BMP7: variants seen among roughly 807,000 people sequenced by gnomAD.
BMP7 encodes osteogenic protein 1.
A neutral mutation model predicts 41.2 loss-of-function variants in BMP7; 12 were observed. The observed-to-expected ratio is 0.29, with a 90% CI of 0.19 to 0.47. The LOEUF (loss-of-function observed/expected upper bound fraction) is 0.47. BMP7 is among the 20% of genes least tolerant of loss of function. The pLI is 0.99. For missense variants in BMP7, 467 were observed against 606.0 expected (o/e 0.77, Z 2.41); for synonymous variants, 248 against 250.0 (o/e 0.99, Z 0.07).
At chr20:57,231,652 C>G (rs1367382626) in intron 1 of BMP7, among the ~76,000 whole-genome samples, 1 of 152,232 alleles carries the variant, frequency 6.6e-6, no homozygotes, top group Non-Finnish European at 1.5e-5. Flanking sequence ...CTCCAAAGAC[C>G]AGGAAGAGCC....
At chr20:57,191,322 TG>T (rs1984352586) in intron 3 of BMP7, among the ~76,000 whole-genome samples, 1 of 152,002 alleles carries the variant, frequency 6.6e-6, no homozygotes, top group East Asian at 1.9e-4. Context: ...CAGGCTCTGG[TG>T]GGGCCAACAG....
At chr20:57,222,780 A>C (rs1288089104) in intron 2 of BMP7, among the ~76,000 whole-genome samples, 1 of 151,910 alleles carries the variant, frequency 6.6e-6, no homozygotes, top group Non-Finnish European at 1.5e-5. Flanking sequence ...CAAGGGGTAG[A>C]AGCCAGGAGA....
intron 4 of BMP7, among the ~76,000 whole-genome samples, chr20:57,180,512 C>T (rs1984055839): frequency 6.6e-6 from 1 of 152,192 alleles, no homozygotes; most frequent in Non-Finnish European, 1.5e-5. Context: ...CTAGGCACCA[C>T]CCTGACTCTG....
intron 3 of BMP7, among the ~76,000 whole-genome samples, chr20:57,193,870 C>T (rs1984432052): frequency 1.3e-5 from 2 of 152,198 alleles, no homozygotes; most frequent in South Asian, 4.1e-4. Flanking sequence ...CTGAAGAGGC[C>T]AGGAAAGCTG....
At chr20:57,256,045 G>C (rs1170179781) in intron 1 of BMP7, among the ~76,000 whole-genome samples, 1 of 152,100 alleles carries the variant, frequency 6.6e-6, no homozygotes, top group African/African-American at 2.4e-5. Flanking sequence ...CATAAACAGG[G>C]AAGTCACTTT....
At chr20:57,211,578 C>T (rs924187963) in intron 2 of BMP7, among the ~76,000 whole-genome samples, 2 of 146,148 alleles carry the variant, frequency 1.4e-5, no homozygotes, top group African/African-American at 5.6e-5. Context: ...GCAGCAGGGA[C>T]TTTGCAGATG....
rs997592460 is a variant in BMP7 at position 57,261,868 on chromosome 20, A to T, written c.418+3837T>A. Among the ~76,000 whole-genome samples, 1 of 152,258 alleles carries T rather than the reference A, an allele frequency of 6.6e-6. No homozygotes were observed. The highest frequency in any genetic ancestry group is 1.5e-5 in the Non-Finnish European group (1 of 68,052). On this transcript the variant is annotated intron_variant, in intron 1 of 6. Coordinates refer to ENST00000395863, the MANE Select transcript of BMP7 (RefSeq NM_001719.3). This position sits in a 1 kb window ranked among gnomAD's most constrained non-coding sequence, Gnocchi z 4.1. ...TCTACAGTGGTAGGGCCTGCTCTTGACGGGCAGTGGGAGAGGTCTTAATGC... is the reference window on the plus strand; with the variant it reads ...TCTACAGTGGTAGGGCCTGCTCTTGTCGGGCAGTGGGAGAGGTCTTAATGC...
At chr20:57,238,744 T>TGGGGAGGCCTCAGAATCATGGCG (rs2066057479) in intron 1 of BMP7, among the ~76,000 whole-genome samples, 2 of 151,186 alleles carry the variant, frequency 1.3e-5, no homozygotes, top group Middle Eastern at 3.4e-3. Flanking sequence ...TCCACATGGC[T>TGGGGAGGCCTCAGAATCATGGCG]GGGGAGGCCT....
In BMP7 at chr20:57,265,850, C is replaced by A. The variant is rs750655217; in HGVS notation, c.273G>T (p.Ala91=). The A allele has an allele frequency of 8.7e-6, 14 of 1,606,752 alleles. No homozygotes were observed. Among genetic ancestry groups the A allele is most frequent in the Non-Finnish European group, 1.2e-5 (14 of 1,177,152 alleles). ...CGCCGGGCCCGCCGCCCTCCTCCAC[C>A]GCCATGGCGTTGTACAGGTCCAGCA... The part of the protein sequence containing the change: ...MFMLDLYNAM[A]VEEGGGPGGQ... Residue 91 remains alanine (A), a synonymous_variant, in exon 1 of 7, where the codon GCG becomes GCT. Coordinates refer to ENST00000395863, the MANE Select transcript of BMP7 (RefSeq NM_001719.3).
At chr20:57,196,950 G>A (rs1032841671) in intron 3 of BMP7, among the ~76,000 whole-genome samples, 6 of 151,674 alleles carry the variant, frequency 4.0e-5, no homozygotes, top group African/African-American at 1.2e-4. Context: ...TGCCCAGGCT[G>A]GAGTGCGGTA....
chr20:57,181,399 G>C (rs1401566396), intron 4 of BMP7, among the ~76,000 whole-genome samples: 2 of 151,706 alleles, frequency 1.3e-5, no homozygotes, highest in South Asian at 4.2e-4. Flanking sequence ...GGGAGGCTCA[G>C]GCAGGAGGAT....
chr20:57,259,632 G>A lies in BMP7; in HGVS notation c.418+6073C>T, dbSNP rs551529126. Among the ~76,000 whole-genome samples, 14 of 152,216 alleles carry A rather than the reference G, an allele frequency of 9.2e-5. No homozygotes were observed. The South Asian group carries it at 1.2e-3, about 14-fold the overall frequency. ...GTCATTAATTCAATCCACTCCACGC[G>A]GATCAGCACAGGCTTTGCGCGGCTC... is the stretch of plus-strand genomic sequence containing the variant. On this transcript the variant is annotated intron_variant, in intron 1 of 6. Transcript: ENST00000395863. The surrounding 1 kb of genome is among the most constrained non-coding windows in gnomAD (Gnocchi z 4.7).
chr20:57,192,814 T>C (rs577971969), intron 3 of BMP7, among the ~76,000 whole-genome samples: 4 of 151,994 alleles, frequency 2.6e-5, no homozygotes, highest in Non-Finnish European at 5.9e-5. Context: ...AAACATATAA[T>C]GTTTGCAATA....
At chr20:57,188,493 G>A (rs1027302416) in intron 3 of BMP7, among the ~76,000 whole-genome samples, 26 of 150,566 alleles carry the variant, frequency 1.7e-4, no homozygotes, top group African/African-American at 5.9e-4. Context: ...GGAGTGATAC[G>A]GAAACGTTCT....
At chr20:57,231,600 C>T (rs2426703) in intron 1 of BMP7, among the ~76,000 whole-genome samples, 57,269 of 152,098 alleles carry the variant, frequency 0.38, 14,159 homozygotes, top group African/African-American at 0.71. Flanking sequence ...AGATGAAGTC[C>T]TGTTCCAACC....
intron 1 of BMP7, among the ~76,000 whole-genome samples, chr20:57,243,250 C>T (rs959018690): frequency 6.6e-6 from 1 of 152,012 alleles, no homozygotes; most frequent in African/African-American, 2.4e-5. Flanking sequence ...TTTGGGAGGT[C>T]GAGGCAGGTG....
chr20:57,247,793 C>T (rs1186143801), intron 1 of BMP7, among the ~76,000 whole-genome samples: 3 of 152,086 alleles, frequency 2.0e-5, no homozygotes, highest in Non-Finnish European at 4.4e-5. Context: ...AAACAGGAGC[C>T]GCCTGTCCCA....
rs1243376088 is a variant in BMP7 at position 57,266,146 on chromosome 20, G to A, written c.-24C>T. ...ATCGCGCCGGCTCTACGCGCTACCC[G>A]GGCTCCGGGCTCCGGGCCCGCACCG... On this transcript the variant is annotated 5_prime_UTR_variant, in exon 1 of 7. Transcript: ENST00000395863. The A allele has an allele frequency of 6.7e-7, 1 of 1,502,974 alleles. No individual in the cohort carries two copies. The highest frequency in any genetic ancestry group is 2.1e-5 in the Admixed American group (1 of 48,266). 93.1% of individuals were successfully genotyped at this position (1,502,974 alleles called of 1,614,324 possible).
chr20:57,227,186 T>G lies in BMP7; in HGVS notation c.611+1043A>C, dbSNP rs558626221. ...AGCATGGGCTCCAGCTTTGCAAACC[T>G]GGGCTCACGTCCTAATGTGGCCACA... On this transcript the variant is annotated intron_variant, in intron 2 of 6. Transcript: ENST00000395863. Among the ~76,000 whole-genome samples the G allele has an allele frequency of 3.9e-5, 6 of 152,292 alleles. No individual in the cohort carries two copies. The South Asian group carries it at 1.2e-3, about 32-fold the overall frequency.
Sources: allele counts gnomAD v4.1 joint callset (sites outside exome capture counted in the v4.1 genomes callset), GRCh38; gene constraint gnomAD v4.1.1; non-coding constraint Gnocchi (gnomAD v3.1); transcripts MANE v1.5; gene names NCBI Gene and HGNC (gene_info 2026-07-23, HGNC 2026-07-21).